The following KCNIP1 variants were observed in gnomAD, a reference collection of about 807,000 sequenced individuals.
The protein encoded by KCNIP1 is potassium voltage-gated channel interacting protein 1.
A neutral mutation model predicts 33.0 loss-of-function variants in KCNIP1; 18 were observed. The ratio of observed to expected loss-of-function variants is 0.55; its 90% CI spans 0.38 to 0.81. The LOEUF is 0.81. KCNIP1 is among the 30% of genes least tolerant of loss of function. KCNIP1 has a pLI of 0.00. For missense variants in KCNIP1, 238 were observed against 271.6 expected (o/e 0.88, Z 0.87); for synonymous variants, 93 against 98.3 (o/e 0.95, Z 0.32).
intron 1 of KCNIP1, among the ~76,000 whole-genome samples, chr5:170,582,168 G>A (rs1262369316): frequency 6.6e-6 from 1 of 152,164 alleles, no homozygotes; most frequent in Non-Finnish European, 1.5e-5. Flanking sequence ...CCAAACTATA[G>A]CACCCACCTA....
chr5:170,462,323 T>C (rs1756524125), intron 1 of KCNIP1, among the ~76,000 whole-genome samples: 1 of 130,944 alleles, frequency 7.6e-6, no homozygotes, highest in Non-Finnish European at 1.6e-5. Context: ...GCTAAGGACA[T>C]GAATAGACAA....
At chr5:170,491,879 T>C (rs903394844) in intron 1 of KCNIP1, among the ~76,000 whole-genome samples, 6 of 152,184 alleles carry the variant, frequency 3.9e-5, no homozygotes, top group African/African-American at 1.4e-4. Flanking sequence ...TCTGTGAAAA[T>C]AGGGCCCAGC....
chr5:170,436,797 G>A (rs113825159), intron 1 of KCNIP1, among the ~76,000 whole-genome samples: 2 of 152,244 alleles, frequency 1.3e-5, no homozygotes, highest in Non-Finnish European at 2.9e-5. Context: ...CAGCTGTTTA[G>A]AGCCCACAAG....
intron 1 of KCNIP1, among the ~76,000 whole-genome samples, chr5:170,531,790 A>G (rs893362073): frequency 1.4e-5 from 2 of 147,144 alleles, no homozygotes; most frequent in African/African-American, 5.1e-5. Context: ...TCCCCACCTC[A>G]TGCCCCACCC....
chr5:170,449,366 G>C (rs1032150927), intron 1 of KCNIP1, among the ~76,000 whole-genome samples: 6 of 152,210 alleles, frequency 3.9e-5, no homozygotes, highest in Non-Finnish European at 5.9e-5. Flanking sequence ...TTCGGGCACT[G>C]ACATTCCCTG....
At chr5:170,401,564 G>A (rs1754903894) in intron 1 of KCNIP1, among the ~76,000 whole-genome samples, 1 of 152,146 alleles carries the variant, frequency 6.6e-6, no homozygotes, top group African/African-American at 2.4e-5. Flanking sequence ...AGGAGTTCTA[G>A]ACCAGCCTGG....
chr5:170,712,628 C>A (rs921484369), intron 1 of KCNIP1, among the ~76,000 whole-genome samples: 1 of 152,232 alleles, frequency 6.6e-6, no homozygotes, highest in Non-Finnish European at 1.5e-5. Flanking sequence ...TCAATGAGCC[C>A]CTGTGGGAGC....
chr5:170,652,902 AC>A (rs1316214590), intron 1 of KCNIP1, among the ~76,000 whole-genome samples: 1 of 152,088 alleles, frequency 6.6e-6, no homozygotes, highest in African/African-American at 2.4e-5. Context: ...CTGGGTGCAT[AC>A]CCCCACCTTG....
chr5:170,524,935 G>T (rs1212109697), intron 1 of KCNIP1, among the ~76,000 whole-genome samples: 1 of 152,206 alleles, frequency 6.6e-6, no homozygotes, highest in Non-Finnish European at 1.5e-5. Context: ...ACTCTGAGAA[G>T]TGGGTTGGAG....
At position 170,681,219 on chromosome 5, in the gene KCNIP1, T is replaced by C. The variant is rs556818010; in HGVS notation, c.62-37539T>C. 7.5e-6 allele frequency: 3 copies of C among 398,920 alleles called. No individual in the cohort carries two copies. The South Asian group carries it at 3.8e-4, about 51-fold the overall frequency. The allele number at this position is 398,920 out of a possible 1,614,324, so 24.7% of individuals were successfully genotyped here. ...GCTTCCCCGTTTTCTGTGAATGTGTTTTTGTGGCTTCGGTTGCTGTGACAG... is the reference window on the plus strand; with the variant it reads ...GCTTCCCCGTTTTCTGTGAATGTGTCTTTGTGGCTTCGGTTGCTGTGACAG... On this transcript the variant is annotated intron_variant, in intron 1 of 7. Coordinates refer to ENST00000328939, the MANE Select transcript of KCNIP1 (RefSeq NM_014592.4).
intron 1 of KCNIP1, among the ~76,000 whole-genome samples, chr5:170,691,924 C>T (rs1762735682): frequency 6.6e-6 from 1 of 152,208 alleles, no homozygotes; most frequent in Non-Finnish European, 1.5e-5. Context: ...CATGGAACTG[C>T]TGTTTATAAT....
chr5:170,652,845 C>T (rs918105046), intron 1 of KCNIP1, among the ~76,000 whole-genome samples: 17 of 152,310 alleles, frequency 1.1e-4, no homozygotes, highest in African/African-American at 4.1e-4. Context: ...CACTGCTGTC[C>T]CATTTTACAG....
At chr5:170,671,893 T>C (rs974519237) in intron 1 of KCNIP1, among the ~76,000 whole-genome samples, 2 of 152,216 alleles carry the variant, frequency 1.3e-5, no homozygotes, top group African/African-American at 4.8e-5. Context: ...AAACTACAGT[T>C]GCTCTCAAGC....
At chr5:170,397,413 T>C (rs1209908055) in intron 1 of KCNIP1, among the ~76,000 whole-genome samples, 10 of 152,130 alleles carry the variant, frequency 6.6e-5, no homozygotes. Flanking sequence ...TACATAGATA[T>C]CAGTCCATCT....
chr5:170,515,659 A>G (rs192418637), intron 1 of KCNIP1, among the ~76,000 whole-genome samples: 5 of 152,368 alleles, frequency 3.3e-5, no homozygotes, highest in Non-Finnish European at 5.9e-5. Context: ...ACTAGAGGGC[A>G]TAAGCAAATG....
chr5:170,612,743 C>T (rs1171507618), intron 1 of KCNIP1, among the ~76,000 whole-genome samples: 1 of 152,184 alleles, frequency 6.6e-6, no homozygotes, highest in African/African-American at 2.4e-5. Flanking sequence ...GCAAATGTGG[C>T]CGGCTGTAAT....
intron 1 of KCNIP1, among the ~76,000 whole-genome samples, chr5:170,525,946 C>A (rs1402461442): frequency 6.6e-6 from 1 of 152,214 alleles, no homozygotes; most frequent in African/African-American, 2.4e-5. Context: ...AAATGGGCTG[C>A]TGAGGATGCC....
intron 1 of KCNIP1, among the ~76,000 whole-genome samples, chr5:170,718,323 A>G (rs905713763): frequency 6.6e-6 from 1 of 152,216 alleles, no homozygotes. Flanking sequence ...GTTGGCCCCA[A>G]TGGTGAGAGT....
chr5:170,513,441 T>C (rs138388483), intron 1 of KCNIP1, among the ~76,000 whole-genome samples: 139 of 152,352 alleles, frequency 9.1e-4, no homozygotes, highest in Non-Finnish European at 1.6e-3. Flanking sequence ...CTCTTTCTTT[T>C]TAACAACAAA....
Sources: gnomAD v4.1 joint callset for allele counts (sites outside exome capture counted in the v4.1 genomes callset) on GRCh38, gnomAD v4.1.1 for gene constraint, MANE v1.5 for transcripts, NCBI Gene and HGNC (gene_info 2026-07-23, HGNC 2026-07-21) for gene names.